Variants in LAT2 observed in about 807,000 individuals in gnomAD.
LAT2 encodes the protein linker for activation of T-cells family member 2.
A neutral mutation model predicts 43.4 loss-of-function variants in LAT2; 23 were observed. The observed-to-expected ratio is 0.53, with a 90% CI of 0.38 to 0.75. The LOEUF is 0.75. Ranked by LOEUF, LAT2 falls within the 30% of genes least tolerant of loss-of-function variation. The pLI, the probability that LAT2 is intolerant of heterozygous loss-of-function variation, is 0.00. For missense variants in LAT2, 284 were observed against 310.2 expected (o/e 0.92, Z 0.64); for synonymous variants, 128 against 123.2 (o/e 1.04, Z -0.26).
chr7:74,217,329 G>C (rs1802080989), intron 4 of LAT2, among the ~76,000 whole-genome samples: 1 of 152,118 alleles, frequency 6.6e-6, no homozygotes. Flanking sequence ...TACTCTGGAG[G>C]CTGAGGCAGC....
At chr7:74,213,229 TGCCTCA>T (rs1801790700) in intron 1 of LAT2, among the ~76,000 whole-genome samples, 1 of 151,294 alleles carries the variant, frequency 6.6e-6, no homozygotes, top group South Asian at 2.1e-4. Context: ...AGCAATTCTC[TGCCTCA>T]GCCTCCTGAG....
rs1425953489 is a variant in LAT2 at position 74,224,993 on chromosome 7, C to T, written c.*18+233C>T. The T allele has an allele frequency of 2.9e-5, 11 of 374,144 alleles. 1 individual carries two copies. Among genetic ancestry groups the T allele is most frequent in the South Asian group, 2.8e-4 (9 of 32,048 alleles). 23.2% of individuals were successfully genotyped at this position (374,144 alleles called of 1,614,324 possible). The stretch of plus-strand genomic sequence containing the variant: ...ACTTCAGGGGCAAAGAAGTGGGCAC[C>T]GGGTGGGTCTCCCAACTCCACTGCA... On this transcript the variant is annotated intron_variant, in intron 13 of 13. Coordinates refer to ENST00000460943, the MANE Select transcript of LAT2 (RefSeq NM_032464.3).
At chr7:74,224,238 C>A (rs782318435) in intron 12 of LAT2, 41 bp downstream of exon 12, 1 of 1,595,666 alleles carries the variant, frequency 6.3e-7, no homozygotes, top group Admixed American at 1.7e-5. Context: ...CCACTTAGGG[C>A]AGGCTTGAGG....
intron 1 of LAT2, 118 bp from the exon 2 acceptor site, chr7:74,214,704 T>TATATAAATATATATAAAA (rs1201742840): frequency 2.0e-5 from 2 of 99,928 alleles, no homozygotes; most frequent in African/African-American, 9.0e-5. Context: ...TATATAAATA[T>TATATAAATATATATAAAA]ATATAAATAT....
At chr7:74,216,732 G>A in intron 3 of LAT2, 93 bp from the exon 4 acceptor site, 1 of 1,060,518 alleles carries the variant, frequency 9.4e-7, no homozygotes, top group Admixed American at 1.9e-5. Flanking sequence ...AGTCCTGTCT[G>A]AGTCCTGCTG....
rs577686822 is a variant in LAT2, at chr7:74,212,938, C to CAG, written c.-218-1881_-218-1880dup. Reference sequence around the variant, plus strand: ...TGGCTTCTCTGTGATGCGCCTCTTACAGAGGCTCAGGGCCGCATGGAGATT... The same window carrying CAG: ...TGGCTTCTCTGTGATGCGCCTCTTACAGAGAGGCTCAGGGCCGCATGGAGATT... On this transcript the variant is annotated intron_variant, in intron 1 of 13. Coordinates refer to ENST00000460943, the MANE Select transcript of LAT2 (RefSeq NM_032464.3). 4.7e-4 allele frequency among the ~76,000 whole-genome samples: 71 copies of CAG among 152,258 alleles called. 1 individual carries two copies. In the South Asian group the frequency reaches 0.015, roughly 31 times the overall value.
At chr7:74,223,594 G>T (rs997512233) in intron 10 of LAT2, 130 bp from the exon 11 acceptor site, 9 of 816,916 alleles carry the variant, frequency 1.1e-5, no homozygotes, top group Non-Finnish European at 1.9e-5. Context: ...TTGAGGTCCC[G>T]GGGGACCCAG....
chr7:74,214,189 A>AAT (rs1232221215), intron 1 of LAT2, among the ~76,000 whole-genome samples: 2 of 96,466 alleles, frequency 2.1e-5, no homozygotes, highest in Non-Finnish European at 3.7e-5. Flanking sequence ...AATATATATA[A>AAT]ATATATATAT....
chr7:74,224,277 G>A, intron 12 of LAT2, 80 bp downstream of exon 12: 1 of 1,462,208 alleles, frequency 6.8e-7, no homozygotes, highest in South Asian at 1.2e-5. Context: ...GGCTGAAAGT[G>A]GGCTTCCCTC....
At chr7:74,216,765 G>A (rs1279305806) in intron 3 of LAT2, 60 bp from the exon 4 acceptor site, 2 of 1,480,570 alleles carry the variant, frequency 1.4e-6, no homozygotes, top group Non-Finnish European at 1.9e-6. Context: ...GGCGGGGGGT[G>A]TCTGACCTCA....
Position 74,220,033 on chromosome 7 carries a change from G to A in LAT2, c.227+25G>A. 2 of 1,612,290 alleles carry A rather than the reference G, an allele frequency of 1.2e-6. No individual in the cohort carries two copies. The highest frequency in any genetic ancestry group is 1.7e-6 in the Non-Finnish European group (2 of 1,179,090). ...GGTAGGTCACAGTCCCCCAGGAAGT[G>A]ACAAGAATGAAAGTCCTGGAGGTCC... On this transcript the variant is annotated intron_variant, in intron 6 of 13. Coordinates refer to ENST00000460943, the MANE Select transcript of LAT2 (RefSeq NM_032464.3). The surrounding 1 kb of genome is among the most constrained non-coding windows in gnomAD (Gnocchi z 4.5).
intron 5 of LAT2, 80 bp downstream of exon 5, chr7:74,219,867 G>T: frequency 6.2e-7 from 1 of 1,611,954 alleles, no homozygotes; most frequent in Non-Finnish European, 8.5e-7. Flanking sequence ...ATTGACCTGA[G>T]ACCGTGGCCA....
intron 12 of LAT2, 135 bp from the exon 13 acceptor site, chr7:74,224,504 C>G: frequency 1.3e-6 from 1 of 759,068 alleles, no homozygotes. Context: ...AGGACAGACA[C>G]ACACCGCCAG....
chr7:74,219,692 C>A, intron 4 of LAT2, 52 bp from the exon 5 acceptor site: 2 of 1,609,722 alleles, frequency 1.2e-6, no homozygotes, highest in Non-Finnish European at 1.7e-6. Context: ...TCCCTGTGTT[C>A]TTGGGCTGTG....
At position 74,221,634 on chromosome 7, in the gene LAT2, C is replaced by G. The variant is rs782175254; in HGVS notation, c.333-3C>G. The stretch of plus-strand genomic sequence containing the variant: ...CCTGTGTTGTATATGTTTTCTTGGC[C>G]AGAGACCCCATTGCCATGGAGTATT... On this transcript the variant is annotated splice_region_variant and splice_polypyrimidine_tract_variant and intron_variant, in intron 9 of 13. Transcript: ENST00000460943. The G allele has an allele frequency of 1.9e-6, 3 of 1,613,012 alleles. No homozygotes were observed. The highest frequency in any genetic ancestry group is 2.5e-6 in the Non-Finnish European group (3 of 1,179,368).
At chr7:74,227,577 G>A (rs1554716291) in intron 13 of LAT2, among the ~76,000 whole-genome samples, 1 of 152,152 alleles carries the variant, frequency 6.6e-6, no homozygotes, top group African/African-American at 2.4e-5. Context: ...TTTTCTGGCT[G>A]TTGGGCAGAC....
chr7:74,216,965 C>T, intron 4 of LAT2, 101 bp downstream of exon 4: 1 of 1,014,686 alleles, frequency 9.9e-7, no homozygotes, highest in South Asian at 1.3e-5. Flanking sequence ...CCTTCACTCA[C>T]ACCTCCTCCG....
chr7:74,216,931 A>G, intron 4 of LAT2, 67 bp downstream of exon 4: 10 of 1,380,118 alleles, frequency 7.2e-6, no homozygotes, highest in Non-Finnish European at 1.0e-5. Flanking sequence ...CCTCAAGGGA[A>G]TTCCTAGCAC....
chr7:74,223,323 TACAA>T (rs1392843326), intron 10 of LAT2, among the ~76,000 whole-genome samples: 2 of 152,196 alleles, frequency 1.3e-5, no homozygotes, highest in Admixed American at 6.6e-5. Context: ...AGATCCTCTC[TACAA>T]ACAATTTTAA....
Sources: gnomAD v4.1 joint callset for allele counts (sites outside exome capture counted in the v4.1 genomes callset) on GRCh38, gnomAD v4.1.1 for gene constraint, Gnocchi (gnomAD v3.1) non-coding constraint, MANE v1.5 for transcripts, NCBI Gene and HGNC (gene_info 2026-07-23, HGNC 2026-07-21) for gene names.